Variants in MYO18B observed in about 807,000 individuals in gnomAD.
MYO18B encodes the protein myosin XVIIIB.
MYO18B carries 204 observed loss-of-function variants against 273.0 expected under a neutral mutation model. That is an observed-to-expected ratio of 0.75 (90% confidence interval 0.67 to 0.84). The LOEUF (loss-of-function observed/expected upper bound fraction) is 0.84, where lower values mean the gene tolerates loss of function less well. MYO18B is among the 40% of genes least tolerant of loss of function. The pLI is 0.00. For missense variants in MYO18B, 3,212 were observed against 3,287.6 expected, an observed-to-expected ratio of 0.98 and a Z score of 0.56; for synonymous variants, 1,330 against 1,305.7, an observed-to-expected ratio of 1.02 and a Z score of -0.40.
At chr22:25,758,754 A>T (rs2086207135) in intron 1 of MYO18B, among the ~76,000 whole-genome samples, 1 of 151,434 alleles carries the variant, frequency 6.6e-6, no homozygotes. Context: ...TTTGGGGGTG[A>T]TGAGAATTTT....
intron 6 of MYO18B, among the ~76,000 whole-genome samples, chr22:25,771,619 C>T (rs972903108): frequency 3.9e-5 from 6 of 152,172 alleles, no homozygotes; most frequent in African/African-American, 1.4e-4. Context: ...TTCCTTTCTG[C>T]TCCTCCTCTG....
chr22:25,818,114 G>A (rs2145864027), intron 12 of MYO18B, among the ~76,000 whole-genome samples: 1 of 152,346 alleles, frequency 6.6e-6, no homozygotes, highest in Non-Finnish European at 1.5e-5. Flanking sequence ...TAATCTCCTT[G>A]CCTCCTGGTG....
intron 39 of MYO18B, among the ~76,000 whole-genome samples, chr22:25,981,025 C>T (rs1401300919): frequency 6.6e-6 from 1 of 152,312 alleles, no homozygotes; most frequent in Non-Finnish European, 1.5e-5. Flanking sequence ...CTTTATGTGA[C>T]ATTCTCCCTG....
intron 42 of MYO18B, among the ~76,000 whole-genome samples, chr22:26,010,450 G>A (rs1010132129): frequency 2.0e-5 from 3 of 152,152 alleles, no homozygotes; most frequent in Non-Finnish European, 4.4e-5. Context: ...AAAGTAAAGG[G>A]TAGATCTGTT....
chr22:25,923,500 G>A (rs971830323), intron 34 of MYO18B, among the ~76,000 whole-genome samples: 1 of 152,246 alleles, frequency 6.6e-6, no homozygotes, highest in Non-Finnish European at 1.5e-5. Flanking sequence ...ATGTTGTCCA[G>A]AGGTGGCAAG....
At chr22:25,788,611 A>G (rs561048738) in intron 11 of MYO18B, among the ~76,000 whole-genome samples, 1 of 152,314 alleles carries the variant, frequency 6.6e-6, no homozygotes, top group Non-Finnish European at 1.5e-5. Flanking sequence ...TATGAAAAAA[A>G]TTATCCATTG....
At position 25,804,591 on chromosome 22, in the gene MYO18B, CTG is replaced by C. The variant is rs541626943; in HGVS notation, c.2521+6507_2521+6508del. ...ACATTAGCATAGTTGAGGTTTTCTTCTGTGTGTGTGTGTGAGAGAGCACTCCT... is the reference window on the plus strand; with the variant it reads ...ACATTAGCATAGTTGAGGTTTTCTTCTGTGTGTGTGTGAGAGAGCACTCCT... On this transcript the variant is annotated intron_variant, in intron 12 of 43. Transcript: ENST00000335473. Among the ~76,000 whole-genome samples, 51 of 151,952 alleles carry C rather than the reference CTG, an allele frequency of 3.4e-4. 1 individual carries two copies. Among genetic ancestry groups the C allele is most frequent in the Admixed American group, 1.3e-4 (2 of 15,254 alleles).
chr22:25,780,222 A>C lies in MYO18B; in HGVS notation c.2211+24A>C, dbSNP rs768899765. ...AGGTGAGGCCTCTCGGGGGATGTGC[A>C]AGGGGGCCCTTGGGGCTGCTGTGTC... is the stretch of plus-strand genomic sequence containing the variant. On this transcript the variant is annotated intron_variant, in intron 9 of 43. Coordinates refer to ENST00000335473, the MANE Select transcript of MYO18B (RefSeq NM_032608.7). 1.9e-6 allele frequency: 3 copies of C among 1,590,328 alleles called. No individual in the cohort carries two copies. In the South Asian group the frequency reaches 3.4e-5, roughly 18 times the overall value.
chr22:25,998,695 A>G (rs1282215491), intron 40 of MYO18B, among the ~76,000 whole-genome samples: 2 of 152,216 alleles, frequency 1.3e-5, no homozygotes, highest in Non-Finnish European at 2.9e-5. Flanking sequence ...ACCTAGTAGG[A>G]CAGTCATTGG....
intron 42 of MYO18B, among the ~76,000 whole-genome samples, chr22:26,015,790 C>T (rs1935276696): frequency 6.6e-6 from 1 of 152,146 alleles, no homozygotes; most frequent in African/African-American, 2.4e-5. Flanking sequence ...CACATGTACC[C>T]CTGAACTTAA....
intron 40 of MYO18B, 68 bp downstream of exon 40, chr22:25,992,561 C>G: frequency 6.3e-7 from 1 of 1,597,918 alleles, no homozygotes; most frequent in East Asian, 2.2e-5. Flanking sequence ...GCTCTATGCC[C>G]TTTAGCCGGG....
intron 34 of MYO18B, among the ~76,000 whole-genome samples, chr22:25,931,064 A>G (rs561741985): frequency 6.6e-6 from 1 of 152,108 alleles, no homozygotes; most frequent in African/African-American, 2.4e-5. Context: ...GTGTGTGGGC[A>G]CCTGGGGAAC....
rs2090956384 is a variant in MYO18B, at chr22:25,868,526, G to T, written c.3951+141G>T. On this transcript the variant is annotated intron_variant, in intron 22 of 43. Coordinates refer to ENST00000335473, the MANE Select transcript of MYO18B (RefSeq NM_032608.7). ...CTGAAGGTAGAGCTAATGATTTTCT[G>T]CCCTGCCTATCTTACAAGGTCCTGG... 7 of 678,912 alleles carry T rather than the reference G, an allele frequency of 1.0e-5. No individual in the cohort carries two copies. In the South Asian group the frequency reaches 1.3e-4, roughly 13 times the overall value. The allele number at this position is 678,912 out of a possible 1,614,324, so 42.1% of individuals were successfully genotyped here. A position where few individuals can be genotyped will look rare whatever the true frequency, so the allele number is the denominator to read the frequency against.
At chr22:25,893,625 T>C (rs914661821) in intron 27 of MYO18B, among the ~76,000 whole-genome samples, 2 of 152,228 alleles carry the variant, frequency 1.3e-5, no homozygotes, top group Admixed American at 6.5e-5. Context: ...TTTCCCATCA[T>C]GATGTTTTTA....
chr22:25,813,797 A>T (rs2088872731), intron 12 of MYO18B, among the ~76,000 whole-genome samples: 1 of 152,090 alleles, frequency 6.6e-6, no homozygotes, highest in African/African-American at 2.4e-5. Context: ...TGGAGATTTC[A>T]TTGATCCATC....
intron 32 of MYO18B, 36 bp downstream of exon 32, chr22:25,908,468 C>A (rs1230652586): frequency 6.5e-7 from 1 of 1,529,514 alleles, no homozygotes; most frequent in South Asian, 1.2e-5. Flanking sequence ...GCCCTTGGAT[C>A]CTGGCAGGTC....
the MYO18B span, among the ~76,000 whole-genome samples, chr22:26,044,836 A>G: frequency 6.6e-6 from 1 of 152,184 alleles, no homozygotes; most frequent in South Asian, 2.1e-4. Context: ...GCAAATATTC[A>G]AGTATAAGGA....
the MYO18B span, among the ~76,000 whole-genome samples, chr22:26,058,968 G>A: frequency 6.6e-6 from 1 of 152,182 alleles, no homozygotes; most frequent in Admixed American, 6.5e-5. Flanking sequence ...GTATTAATTT[G>A]TTGCATATCA....
chr22:26,036,649 T>C, the MYO18B span, among the ~76,000 whole-genome samples: 1 of 152,162 alleles, frequency 6.6e-6, no homozygotes, highest in East Asian at 1.9e-4. Flanking sequence ...GTCTAAAGTT[T>C]ATGGTCTTCC....
Sources: gnomAD v4.1 joint callset for allele counts (sites outside exome capture counted in the v4.1 genomes callset) on GRCh38, gnomAD v4.1.1 for gene constraint, MANE v1.5 for transcripts, NCBI Gene and HGNC (gene_info 2026-07-23, HGNC 2026-07-21) for gene names.